The following MDM1 variants were observed in gnomAD, a reference collection of about 807,000 sequenced individuals.
MDM1 encodes the protein Mdm1 nuclear protein.
A neutral mutation model predicts 89.1 loss-of-function variants in MDM1; 61 were observed. The ratio of observed to expected loss-of-function variants is 0.68; its 90% CI spans 0.56 to 0.85. The LOEUF (loss-of-function observed/expected upper bound fraction) is 0.85, where lower values mean the gene tolerates loss of function less well. MDM1 is among the 40% of genes least tolerant of loss of function. MDM1 has a pLI of 0.00. For missense variants in MDM1, 820 were observed against 846.5 expected (o/e 0.97, Z 0.39); for synonymous variants, 290 against 294.1 (o/e 0.99, Z 0.14).
chr12:68,319,337 C>A (rs1157287781), intron 7 of MDM1, among the ~76,000 whole-genome samples: 1 of 152,240 alleles, frequency 6.6e-6, no homozygotes, highest in East Asian at 1.9e-4. Context: ...AGACTATAAA[C>A]AGATTCAAAA....
intron 7 of MDM1, among the ~76,000 whole-genome samples, chr12:68,317,035 C>CT (rs574382711): frequency 1.2e-3 from 176 of 146,480 alleles, no homozygotes; most frequent in African/African-American, 2.2e-3. Context: ...AAAATCTCAA[C>CT]TTTTTTTTTT....
chr12:68,296,263 G>C (rs966044881), intron 14 of MDM1, among the ~76,000 whole-genome samples: 2 of 152,222 alleles, frequency 1.3e-5, no homozygotes, highest in East Asian at 1.9e-4. Context: ...ACTTTGGGAG[G>C]CCAAGGTGGG....
At chr12:68,302,522 A>G in intron 13 of MDM1, 98 bp downstream of exon 13, 1 of 1,106,540 alleles carries the variant, frequency 9.0e-7, no homozygotes, top group Non-Finnish European at 1.2e-6. Flanking sequence ...AAAATACTAA[A>G]TAACTGATTT....
intron 10 of MDM1, 130 bp downstream of exon 10, chr12:68,314,818 G>A: frequency 1.3e-6 from 1 of 796,000 alleles, no homozygotes; most frequent in Non-Finnish European, 2.0e-6. Flanking sequence ...TGCCTCCTTT[G>A]TGACATTGAA....
intron 13 of MDM1, among the ~76,000 whole-genome samples, chr12:68,300,893 C>G (rs1872062582): frequency 6.6e-6 from 1 of 152,116 alleles, no homozygotes. Flanking sequence ...GAACATTTTC[C>G]AAAATAGACC....
At chr12:68,310,709 A>G (rs1362510197) in intron 12 of MDM1, among the ~76,000 whole-genome samples, 1 of 152,170 alleles carries the variant, frequency 6.6e-6, no homozygotes, top group Non-Finnish European at 1.5e-5. Context: ...ACTCTGTTCT[A>G]AGCACTGGGG....
intron 12 of MDM1, among the ~76,000 whole-genome samples, chr12:68,305,935 C>T (rs1214410902): frequency 2.1e-5 from 3 of 145,122 alleles, no homozygotes; most frequent in Non-Finnish European, 3.0e-5. Context: ...AAAAAAAGGG[C>T]CCAAAGCAAT....
intron 5 of MDM1, among the ~76,000 whole-genome samples, chr12:68,322,692 TTAAAA>T (rs1297028998): frequency 2.6e-4 from 40 of 152,336 alleles, no homozygotes; most frequent in African/African-American, 8.7e-4. Context: ...TTTCCATAAC[TTAAAA>T]TAAGTATTTC....
chr12:68,296,856 A>C (rs1871461299), intron 14 of MDM1, 67 bp downstream of exon 14: 3 of 1,087,308 alleles, frequency 2.8e-6, no homozygotes, highest in Non-Finnish European at 3.9e-6. Context: ...GTGCTAATCA[A>C]ATGTAAAGCC....
chr12:68,322,092 C>G (rs2121085615), intron 5 of MDM1, among the ~76,000 whole-genome samples: 1 of 152,202 alleles, frequency 6.6e-6, no homozygotes, highest in African/African-American at 2.4e-5. Context: ...CATCATTTTA[C>G]TTTTAGTCAT....
chr12:68,309,127 T>G (rs1873341396), intron 12 of MDM1, among the ~76,000 whole-genome samples: 1 of 152,248 alleles, frequency 6.6e-6, no homozygotes, highest in African/African-American at 2.4e-5. Flanking sequence ...GGCTTCCCAT[T>G]GCTCTTGAGA....
chr12:68,302,802 A>G lies in MDM1; in HGVS notation c.1820T>C (p.Leu607Ser). The G allele has an allele frequency of 6.2e-7, 1 of 1,613,820 alleles. No homozygotes were observed. The highest frequency in any genetic ancestry group is 8.5e-7 in the Non-Finnish European group (1 of 1,179,950). Reference protein sequence around the residue: ...AGIKTVDPLPLREDSEDNIHK... With the variant: ...AGIKTVDPLPSREDSEDNIHK... ...GATATTGTCTTCAGAATCTTCCCGCAAAGGCAGAGGATCAACTGTTTTTAT... is the reference window on the plus strand; with the variant it reads ...GATATTGTCTTCAGAATCTTCCCGCGAAGGCAGAGGATCAACTGTTTTTAT... Residue 607 changes from leucine (L) to serine (S), a missense_variant, in exon 13 of 15, where the codon TTG (leucine) becomes TCG (serine). Transcript: ENST00000682720.
chr12:68,311,459 A>G (rs1054702695), intron 12 of MDM1, among the ~76,000 whole-genome samples: 1 of 152,184 alleles, frequency 6.6e-6, no homozygotes, highest in Non-Finnish European at 1.5e-5. Context: ...AGCAATAAGA[A>G]GAGGTCTTCC....
chr12:68,327,338 T>G, intron 2 of MDM1: 1 of 1,516,072 alleles, frequency 6.6e-7, no homozygotes, highest in Admixed American at 2.0e-5. Context: ...GGCCAGGCAG[T>G]ACATGCTGCC....
At chr12:68,314,271 C>A (rs1469001962) in intron 10 of MDM1, among the ~76,000 whole-genome samples, 1 of 149,792 alleles carries the variant, frequency 6.7e-6, no homozygotes, top group Admixed American at 6.6e-5. Flanking sequence ...AAAAATAAAA[C>A]AGAACACTGA....
At chr12:68,299,043 C>T (rs1166725204) in intron 13 of MDM1, among the ~76,000 whole-genome samples, 2 of 151,998 alleles carry the variant, frequency 1.3e-5, no homozygotes, top group East Asian at 3.9e-4. Context: ...AGACTCTTCA[C>T]CCCTAAAAGC....
intron 13 of MDM1, 73 bp downstream of exon 13, chr12:68,302,547 C>A: frequency 8.2e-7 from 1 of 1,217,930 alleles, no homozygotes; most frequent in Non-Finnish European, 1.1e-6. Flanking sequence ...ACATAAAATG[C>A]ATTCTTAGAC....
intron 7 of MDM1, among the ~76,000 whole-genome samples, chr12:68,319,540 T>C (rs1228435645): frequency 1.3e-5 from 2 of 152,178 alleles, no homozygotes; most frequent in Non-Finnish European, 2.9e-5. Flanking sequence ...TTTAGGAACC[T>C]CATAATCAGA....
chr12:68,318,052 C>T (rs950472018), intron 7 of MDM1, among the ~76,000 whole-genome samples: 1 of 152,160 alleles, frequency 6.6e-6, no homozygotes, highest in Non-Finnish European at 1.5e-5. Flanking sequence ...AGCACTGAGC[C>T]CACAACCTGT....
Sources: allele counts gnomAD v4.1 joint callset (sites outside exome capture counted in the v4.1 genomes callset), GRCh38; gene constraint gnomAD v4.1.1; transcripts MANE v1.5; gene names NCBI Gene and HGNC (gene_info 2026-07-23, HGNC 2026-07-21).